Variants in NBEA observed in about 807,000 individuals in gnomAD.
NBEA encodes the protein lysosomal-trafficking regulator 2.
NBEA carries 44 observed loss-of-function variants against 343.4 expected under a neutral mutation model. That is an observed-to-expected ratio of 0.13 (90% CI 0.10 to 0.16). The LOEUF is 0.16. Ranked by LOEUF, NBEA falls within the 10% of genes least tolerant of loss-of-function variation. The probability of loss-of-function intolerance (pLI) is 1.00; values close to 1 mark genes in which losing one functional copy is unlikely to be tolerated. For missense variants in NBEA, 2,555 were observed against 3,631.3 expected (o/e 0.70, Z 7.62); for synonymous variants, 1,175 against 1,238.7 (o/e 0.95, Z 1.08).
chr13:35,127,962 T>G (rs2067214303), intron 17 of NBEA, among the ~76,000 whole-genome samples: 1 of 151,520 alleles, frequency 6.6e-6, no homozygotes, highest in African/African-American at 2.4e-5. Context: ...ATATCACAAT[T>G]GATCACAGTA....
intron 10 of NBEA, among the ~76,000 whole-genome samples, chr13:35,071,873 A>G (rs776821148): frequency 1.3e-5 from 2 of 152,082 alleles, no homozygotes; most frequent in African/African-American, 4.8e-5. Flanking sequence ...CTAAATATGG[A>G]TATGAGATTT....
intron 1 of NBEA, among the ~76,000 whole-genome samples, chr13:34,988,550 G>C (rs920395402): frequency 6.6e-6 from 1 of 150,994 alleles, no homozygotes; most frequent in African/African-American, 2.4e-5. Flanking sequence ...GTCGATATCA[G>C]ACTGCTGTGC....
At chr13:35,624,077 T>A (rs2083120115) in intron 48 of NBEA, among the ~76,000 whole-genome samples, 2 of 140,672 alleles carry the variant, frequency 1.4e-5, no homozygotes, top group African/African-American at 6.1e-5. Context: ...TGTGTGTGTG[T>A]GTGAGAATTG....
intron 49 of NBEA, among the ~76,000 whole-genome samples, chr13:35,642,934 G>A (rs2153074471): frequency 6.6e-6 from 1 of 151,058 alleles, no homozygotes; most frequent in South Asian, 2.1e-4. Flanking sequence ...TATGTAGTAG[G>A]TACTCAACAA....
chr13:35,491,200 G>A (rs566431857), intron 41 of NBEA, among the ~76,000 whole-genome samples: 1 of 151,850 alleles, frequency 6.6e-6, no homozygotes, highest in East Asian at 1.9e-4. Flanking sequence ...CATCTGTTCT[G>A]TACTTCCCAG....
At chr13:35,634,036 C>T (rs1476157943) in intron 49 of NBEA, among the ~76,000 whole-genome samples, 3 of 151,948 alleles carry the variant, frequency 2.0e-5, no homozygotes, top group Non-Finnish European at 4.4e-5. Context: ...CTTTATTATC[C>T]TTTATATTTT....
At chr13:35,082,860 C>T (rs964639789) in intron 10 of NBEA, among the ~76,000 whole-genome samples, 8 of 152,054 alleles carry the variant, frequency 5.3e-5, no homozygotes, top group African/African-American at 1.4e-4. Flanking sequence ...TTCTCCCATT[C>T]TGTAGGTGGC....
chr13:35,199,426 T>G (rs1284365135), intron 31 of NBEA, among the ~76,000 whole-genome samples: 1 of 152,128 alleles, frequency 6.6e-6, no homozygotes, highest in Non-Finnish European at 1.5e-5. Context: ...CAATAACGTG[T>G]TTTTCATTTT....
At chr13:35,318,559 T>A (rs2037908504) in intron 36 of NBEA, among the ~76,000 whole-genome samples, 1 of 152,068 alleles carries the variant, frequency 6.6e-6, no homozygotes, top group South Asian at 2.1e-4. Context: ...GGCCTGAAAT[T>A]TTCTTATTTT....
chr13:35,616,498 T>C (rs2082745421), intron 48 of NBEA, among the ~76,000 whole-genome samples: 1 of 152,202 alleles, frequency 6.6e-6, no homozygotes, highest in African/African-American at 2.4e-5. Context: ...ATGTGATCAA[T>C]ACACAGGTTT....
At chr13:34,964,775 A>T (rs542986947) in intron 1 of NBEA, among the ~76,000 whole-genome samples, 4 of 151,962 alleles carry the variant, frequency 2.6e-5, no homozygotes, top group Non-Finnish European at 4.4e-5. Flanking sequence ...AACGTTATCT[A>T]TGTCTCTGGG....
intron 10 of NBEA, among the ~76,000 whole-genome samples, chr13:35,078,140 AT>A (rs1293868152): frequency 1.3e-5 from 2 of 152,154 alleles, no homozygotes; most frequent in African/African-American, 4.8e-5. Flanking sequence ...GTCTGCTGTC[AT>A]GCAAGTGGAC....
chr13:35,488,263 A>C (rs896627321), intron 41 of NBEA, among the ~76,000 whole-genome samples: 1 of 151,986 alleles, frequency 6.6e-6, no homozygotes, highest in Non-Finnish European at 1.5e-5. Context: ...GTTTTTGCTC[A>C]GTTTAAGTGT....
In NBEA at chr13:35,106,566, A is replaced by G. The variant is rs553107733; in HGVS notation, c.1681-2724A>G. Among the ~76,000 whole-genome samples the G allele has an allele frequency of 1.5e-3, 225 of 152,074 alleles. 1 individual carries two copies. Among genetic ancestry groups the G allele is most frequent in the African/African-American group, 5.0e-3 (206 of 41,554 alleles). Reference sequence around the variant, plus strand: ...AATACAAGGAGGAAAGATAAGTACTACTAAGAGGTAAAGGTAACATGCTGT... The same window carrying G: ...AATACAAGGAGGAAAGATAAGTACTGCTAAGAGGTAAAGGTAACATGCTGT... On this transcript the variant is annotated intron_variant, in intron 11 of 58. Coordinates refer to ENST00000379939, the MANE Select transcript of NBEA (RefSeq NM_001385012.1).
At chr13:35,590,267 T>C (rs1159199420) in intron 46 of NBEA, among the ~76,000 whole-genome samples, 5 of 152,092 alleles carry the variant, frequency 3.3e-5, no homozygotes, top group Non-Finnish European at 7.4e-5. Flanking sequence ...CAATACTTAC[T>C]TATAAACAAA....
intron 45 of NBEA, among the ~76,000 whole-genome samples, chr13:35,570,556 G>A (rs2080357329): frequency 6.6e-6 from 1 of 152,194 alleles, no homozygotes; most frequent in Non-Finnish European, 1.5e-5. Flanking sequence ...GCTCTTAAAA[G>A]ATAGGTAGCT....
chr13:35,660,633 C>A (rs936015924), intron 55 of NBEA, among the ~76,000 whole-genome samples: 4 of 152,196 alleles, frequency 2.6e-5, no homozygotes, highest in African/African-American at 9.7e-5. Context: ...CACAACCTGT[C>A]ACCAAACATC....
chr13:35,212,180 T>C (rs1166206643), intron 33 of NBEA, among the ~76,000 whole-genome samples: 1 of 152,204 alleles, frequency 6.6e-6, no homozygotes, highest in African/African-American at 2.4e-5. Context: ...CTGTTCTTGC[T>C]TTTCTTCCAA....
intron 18 of NBEA, 64 bp from the exon 19 acceptor site, chr13:35,155,710 T>A: frequency 2.4e-6 from 3 of 1,246,188 alleles, no homozygotes; most frequent in South Asian, 2.4e-5. Flanking sequence ...TCATTGTATA[T>A]CTATATTTTG....
Sources: allele counts gnomAD v4.1 joint callset (sites outside exome capture counted in the v4.1 genomes callset), GRCh38; gene constraint gnomAD v4.1.1; transcripts MANE v1.5; gene names NCBI Gene and HGNC (gene_info 2026-07-23, HGNC 2026-07-21).